Variants in SDR16C5 observed in about 807,000 individuals in gnomAD.
The protein encoded by SDR16C5 is epidermal retinol dehydrogenase 2.
In SDR16C5, 20 loss-of-function variants were observed where a neutral mutation model predicts 27.7. That is an observed-to-expected ratio of 0.72 (90% confidence interval 0.51 to 1.05). The LOEUF (loss-of-function observed/expected upper bound fraction) is 1.05, where lower values mean the gene tolerates loss of function less well. SDR16C5 is among the 50% of genes least tolerant of loss of function. The probability of loss-of-function intolerance (pLI) is 0.00; values close to 1 mark genes in which losing one functional copy is unlikely to be tolerated. For missense variants in SDR16C5, 374 were observed against 366.3 expected (o/e 1.02, Z -0.17); for synonymous variants, 139 against 132.3 (o/e 1.05, Z -0.35).
At chr8:56,315,712 C>A (rs1815174827) in intron 2 of SDR16C5, among the ~76,000 whole-genome samples, 2 of 152,108 alleles carry the variant, frequency 1.3e-5, no homozygotes, top group African/African-American at 4.8e-5. Context: ...CAAGTGGCAG[C>A]TATAGTCTTG....
chr8:56,302,138 A>G (rs1355794890), intron 6 of SDR16C5, among the ~76,000 whole-genome samples: 1 of 152,188 alleles, frequency 6.6e-6, no homozygotes, highest in Admixed American at 6.5e-5. Flanking sequence ...CATCATCCCA[A>G]CAGAGCACTC....
intron 3 of SDR16C5, among the ~76,000 whole-genome samples, chr8:56,310,522 A>T: frequency 6.6e-6 from 1 of 151,890 alleles, no homozygotes; most frequent in Non-Finnish European, 1.5e-5. Flanking sequence ...GATGGAGACC[A>T]GCCTGGCCAA....
At chr8:56,318,395 A>T (rs976780811) in intron 1 of SDR16C5, among the ~76,000 whole-genome samples, 1 of 152,220 alleles carries the variant, frequency 6.6e-6, no homozygotes, top group Non-Finnish European at 1.5e-5. Flanking sequence ...GGTGTCCTGA[A>T]AGAGGACTCT....
intron 3 of SDR16C5, among the ~76,000 whole-genome samples, chr8:56,311,573 C>T (rs1457365923): frequency 6.6e-6 from 1 of 152,158 alleles, no homozygotes; most frequent in Non-Finnish European, 1.5e-5. Context: ...GAGTGGGTGG[C>T]TTTAGAAGTC....
chr8:56,306,692 C>T lies in SDR16C5; in HGVS notation c.694G>A (p.Glu232Lys). 6.2e-7 allele frequency: 1 copy of T among 1,612,814 alleles called. No homozygotes were observed. The highest frequency in any genetic ancestry group is 8.5e-7 in the Non-Finnish European group (1 of 1,179,652). Reference sequence around the variant, plus strand: ...CATACTTACCCTGTAGTACAACCTTCAAACATTCCAGTTTTTATAAAAAAG... The same window carrying T: ...CATACTTACCCTGTAGTACAACCTTTAAACATTCCAGTTTTTATAAAAAAG... Reference protein sequence around the residue: ...CPFFIKTGMFEGCTTGCPSLL... With the variant: ...CPFFIKTGMFKGCTTGCPSLL... The change falls in exon 5 of 7, where the codon GAA becomes AAA. Residue 232 changes from glutamate (E) to lysine (K), a missense_variant. Glu to Lys is a moderately conservative substitution (Grantham distance 56). Transcript: ENST00000303749.
intron 1 of SDR16C5, among the ~76,000 whole-genome samples, chr8:56,319,821 G>T (rs535136137): frequency 1.4e-4 from 22 of 152,260 alleles, no homozygotes; most frequent in African/African-American, 4.3e-4. Context: ...CCGGGGGCGA[G>T]GGGTCTGCGT....
rs552002420 is a variant in SDR16C5, at chr8:56,316,366, G to A, written c.-14-5C>T. The A allele has an allele frequency of 1.9e-5, 29 of 1,564,662 alleles. 1 individual carries two copies. In the South Asian group the frequency reaches 2.9e-4, roughly 16 times the overall value. ...AAGACATGTTCTGGCTGACACCTGTGAAGAAAGACAGATTCACATGAAGAC... is the reference window on the plus strand; with the variant it reads ...AAGACATGTTCTGGCTGACACCTGTAAAGAAAGACAGATTCACATGAAGAC... On this transcript the variant is annotated splice_region_variant and splice_polypyrimidine_tract_variant and intron_variant, in intron 1 of 6. Coordinates refer to ENST00000303749, the MANE Select transcript of SDR16C5 (RefSeq NM_138969.4).
chr8:56,302,401 G>A (rs149298707), intron 6 of SDR16C5, among the ~76,000 whole-genome samples: 240 of 152,262 alleles, frequency 1.6e-3, no homozygotes, highest in Admixed American at 2.8e-3. Flanking sequence ...CCGGCCGGGC[G>A]CAGTGGCTCA....
At chr8:56,305,527 T>A in intron 6 of SDR16C5, 70 bp downstream of exon 6, 15 of 1,347,544 alleles carry the variant, frequency 1.1e-5, no homozygotes, top group Non-Finnish European at 1.5e-5. Flanking sequence ...TAAAGTGGCT[T>A]CTCCTGGTGG....
intron 6 of SDR16C5, among the ~76,000 whole-genome samples, chr8:56,305,204 T>C (rs879502584): frequency 3.3e-5 from 5 of 152,348 alleles, no homozygotes; most frequent in Non-Finnish European, 5.9e-5. Flanking sequence ...GCTTACTGTC[T>C]GGCCTTGACT....
intron 6 of SDR16C5, 86 bp from the exon 7 acceptor site, chr8:56,301,659 TG>T (rs1465786468): frequency 5.1e-6 from 5 of 971,700 alleles, no homozygotes; most frequent in Non-Finnish European, 8.2e-6. Flanking sequence ...TGTCACCTCT[TG>T]TGGCAGATGA....
At chr8:56,312,367 T>A (rs1406945634) in intron 2 of SDR16C5, 79 bp from the exon 3 acceptor site, 1 of 1,339,898 alleles carries the variant, frequency 7.5e-7, no homozygotes, top group East Asian at 2.3e-5. Context: ...AGTTTTATGT[T>A]TTTTTTATCC....
chr8:56,308,416 T>C (rs1178005145), intron 4 of SDR16C5, among the ~76,000 whole-genome samples: 1 of 152,188 alleles, frequency 6.6e-6, no homozygotes. Context: ...ACTGCTACTG[T>C]CAAGTCAGTT....
At chr8:56,305,927 AATG>A (rs1814871156) in intron 5 of SDR16C5, among the ~76,000 whole-genome samples, 1 of 152,254 alleles carries the variant, frequency 6.6e-6, no homozygotes, top group Non-Finnish European at 1.5e-5. Context: ...TGAAATGAAA[AATG>A]ATTATTAATA....
At position 56,300,553 on chromosome 8, in the gene SDR16C5, G is replaced by A. The variant is rs1455566900; in HGVS notation, c.*927C>T. 3 of 152,186 alleles carry A rather than the reference G, an allele frequency of 2.0e-5. No individual in the cohort carries two copies. The highest frequency in any genetic ancestry group is 4.4e-5 in the Non-Finnish European group (3 of 68,036). The allele number at this position is 152,186 out of a possible 1,614,324, so 9.4% of individuals were successfully genotyped here. A position where few individuals can be genotyped will look rare whatever the true frequency, so the allele number is the denominator to read the frequency against. On this transcript the variant is annotated 3_prime_UTR_variant, in exon 7 of 7. Coordinates refer to ENST00000303749, the MANE Select transcript of SDR16C5 (RefSeq NM_138969.4). ...AAGCACTTTGCCAGTTGATTAAACT[G>A]TAAGAATACAATAGATCCAAAGTGA...
At chr8:56,315,553 G>A (rs565612230) in intron 2 of SDR16C5, among the ~76,000 whole-genome samples, 3 of 152,220 alleles carry the variant, frequency 2.0e-5, no homozygotes, top group Admixed American at 6.5e-5. Context: ...GTCTGTGACC[G>A]CTGGACAGGT....
intron 1 of SDR16C5, among the ~76,000 whole-genome samples, chr8:56,317,264 A>C (rs58163648): frequency 1.3e-5 from 2 of 152,124 alleles, no homozygotes; most frequent in Admixed American, 1.3e-4. Context: ...TCTCAGATTC[A>C]TAGTGCTGCC....
At chr8:56,318,501 C>G (rs1425837474) in intron 1 of SDR16C5, among the ~76,000 whole-genome samples, 1 of 152,236 alleles carries the variant, frequency 6.6e-6, no homozygotes, top group Non-Finnish European at 1.5e-5. Flanking sequence ...CCTTCTCAGA[C>G]AGCAGCCTGG....
At chr8:56,302,654 C>G (rs2066788982) in intron 6 of SDR16C5, among the ~76,000 whole-genome samples, 1 of 141,078 alleles carries the variant, frequency 7.1e-6, no homozygotes, top group East Asian at 2.1e-4. Context: ...GCCTAGGCAA[C>G]AGAGCAAGAG....
Sources: allele counts gnomAD v4.1 joint callset (sites outside exome capture counted in the v4.1 genomes callset), GRCh38; gene constraint gnomAD v4.1.1; transcripts MANE v1.5; gene names NCBI Gene and HGNC (gene_info 2026-07-23, HGNC 2026-07-21).